The following PFN2 variants were observed in gnomAD, a reference collection of about 807,000 sequenced individuals.
The protein encoded by PFN2 is profilin-2.
A neutral mutation model predicts 15.3 loss-of-function variants in PFN2; 8 were observed. That is an observed-to-expected ratio of 0.52 (90% CI 0.31 to 0.95). PFN2 has a LOEUF of 0.95. Among genes scored for constraint, PFN2 ranks in the 40% least tolerant of loss-of-function variants. PFN2 has a pLI of 0.05. For synonymous variants in PFN2, 79 were observed against 67.9 expected (o/e 1.16, Z -0.81); for missense variants, 111 against 182.3 (o/e 0.61, Z 2.25).
At chr3:149,967,520 C>T (rs1185509736) in intron 2 of PFN2, among the ~76,000 whole-genome samples, 1 of 152,330 alleles carries the variant, frequency 6.6e-6, no homozygotes, top group African/African-American at 2.4e-5. Flanking sequence ...AGCTTCAACT[C>T]CCCTCACATG....
chr3:149,966,816 T>C (rs1397440440), intron 2 of PFN2, among the ~76,000 whole-genome samples: 1 of 152,042 alleles, frequency 6.6e-6, no homozygotes, highest in African/African-American at 2.4e-5. Flanking sequence ...CAAGCAAAAG[T>C]TCTATACAAC....
At chr3:149,970,687 G>A (rs926431537) in intron 1 of PFN2, 38 bp downstream of exon 1, 13 of 1,474,708 alleles carry the variant, frequency 8.8e-6, no homozygotes, top group South Asian at 7.7e-5. Flanking sequence ...CCCCGCTCCG[G>A]TGCAGGGACC....
At chr3:149,970,695 A>G in intron 1 of PFN2, 30 bp downstream of exon 1, 1 of 1,488,700 alleles carries the variant, frequency 6.7e-7, no homozygotes, top group Non-Finnish European at 9.0e-7. Flanking sequence ...CGGTGCAGGG[A>G]CCAGGGTACC....
At chr3:149,969,755 A>C (rs182683177) in intron 1 of PFN2, among the ~76,000 whole-genome samples, 32 of 152,306 alleles carry the variant, frequency 2.1e-4, no homozygotes, top group Admixed American at 1.8e-3. Flanking sequence ...CAAAACAATA[A>C]GCTGGAGGTT....
At chr3:149,970,009 G>C (rs541791405) in intron 1 of PFN2, among the ~76,000 whole-genome samples, 4 of 150,650 alleles carry the variant, frequency 2.7e-5, no homozygotes, top group African/African-American at 7.4e-5. Context: ...ATCTCCATAT[G>C]AGAAGAGAAA....
In PFN2 at chr3:149,966,846, GA is replaced by G. The variant is rs199588199; in HGVS notation, c.326-261del. On this transcript the variant is annotated intron_variant, in intron 2 of 2. Transcript: ENST00000239940. ...TACAACTATCTTTACACTAGCTACA[GA>G]AAAAAAAAAAAGTGACCATTTGTCT... Among the ~76,000 whole-genome samples the G allele has an allele frequency of 5.2e-3, 717 of 139,056 alleles. 10 individuals are homozygous for G. In the East Asian group the frequency reaches 0.066, roughly 13 times the overall value. The allele number at this position is 139,056 out of a possible 152,430, so 91.2% of individuals were successfully genotyped here.
In PFN2 at chr3:149,966,111, G is replaced by A; in HGVS notation, c.*378C>T. ...ACCATCTACAGTTTGGTAGCATTGTGACCATAATTAGGGTTGTTGATGAAG... is the reference window on the plus strand; with the variant it reads ...ACCATCTACAGTTTGGTAGCATTGTAACCATAATTAGGGTTGTTGATGAAG... On this transcript the variant is annotated 3_prime_UTR_variant, in exon 3 of 3. Transcript: ENST00000239940. The A allele has an allele frequency of 6.3e-7, 1 of 1,579,798 alleles. No homozygotes were observed. Among genetic ancestry groups the A allele is most frequent in the Non-Finnish European group, 8.6e-7 (1 of 1,165,376 alleles).
In PFN2 at chr3:149,965,097, G is replaced by A. The variant is rs1183087081; in HGVS notation, c.*1392C>T. The A allele has an allele frequency of 5.7e-6, 4 of 703,608 alleles. No homozygotes were observed. The East Asian group carries it at 8.5e-5, about 15-fold the overall frequency. 43.6% of individuals were successfully genotyped at this position (703,608 alleles called of 1,614,324 possible). A position where few individuals can be genotyped will look rare whatever the true frequency, so the allele number is the denominator to read the frequency against. On this transcript the variant is annotated 3_prime_UTR_variant, in exon 3 of 3. Transcript: ENST00000239940. ...CATTATCCACAAGGCCCAAACAATA[G>A]AAGCAAATACTAGAATGTCCCTAAA...
chr3:149,965,611 T>C lies in PFN2; in HGVS notation c.*878A>G. 9.3e-7 allele frequency: 1 copy of C among 1,080,218 alleles called. No homozygotes were observed. The highest frequency in any genetic ancestry group is 1.1e-6 in the Non-Finnish European group (1 of 893,690). 66.9% of individuals were successfully genotyped at this position (1,080,218 alleles called of 1,614,324 possible). Reference sequence around the variant, plus strand: ...TACTAAAAGCAAACTACTGCAGCTCTCAATAGCTCATCAACAAAAGGGATT... The same window carrying C: ...TACTAAAAGCAAACTACTGCAGCTCCCAATAGCTCATCAACAAAAGGGATT... On this transcript the variant is annotated 3_prime_UTR_variant, in exon 3 of 3. Coordinates refer to ENST00000239940, the MANE Select transcript of PFN2 (RefSeq NM_053024.4).
At position 149,966,088 on chromosome 3, in the gene PFN2, C is replaced by A; in HGVS notation, c.*401G>T. 6.5e-7 allele frequency: 1 copy of A among 1,544,250 alleles called. No individual in the cohort carries two copies. The highest frequency in any genetic ancestry group is 2.1e-5 in the Admixed American group (1 of 47,122). On this transcript the variant is annotated 3_prime_UTR_variant, in exon 3 of 3. Transcript: ENST00000239940. ...AAATAGGTAAAGAAAAATTAGCTAC[C>A]ATCTACAGTTTGGTAGCATTGTGAC...
chr3:149,966,336 C>A lies in PFN2; in HGVS notation c.*153G>T. ...GGGGGGGAGGGCAGAAAGAAAGACA[C>A]CTTTCCCCACCAACAGAGGGATACA... On this transcript the variant is annotated 3_prime_UTR_variant, in exon 3 of 3. Transcript: ENST00000239940. 6.3e-7 allele frequency: 1 copy of A among 1,597,468 alleles called. No homozygotes were observed.
intron 1 of PFN2, 29 bp downstream of exon 1, chr3:149,970,696 C>G: frequency 6.7e-7 from 1 of 1,489,838 alleles, no homozygotes; most frequent in Non-Finnish European, 9.0e-7. Flanking sequence ...GGTGCAGGGA[C>G]CAGGGTACCG....
Position 149,966,463 on chromosome 3 carries a change from C to T in PFN2, c.*26G>A. ...AGGAAAGTTTAAGAGCAATTTTCCCCTAATACTTAACAGTCTGCCTAGCAG... is the reference window on the plus strand; with the variant it reads ...AGGAAAGTTTAAGAGCAATTTTCCCTTAATACTTAACAGTCTGCCTAGCAG... On this transcript the variant is annotated 3_prime_UTR_variant, in exon 3 of 3. Coordinates refer to ENST00000239940, the MANE Select transcript of PFN2 (RefSeq NM_053024.4). 1 of 1,606,202 alleles carries T rather than the reference C, an allele frequency of 6.2e-7. No homozygotes were observed. Among genetic ancestry groups the T allele is most frequent in the Non-Finnish European group, 8.5e-7 (1 of 1,177,752 alleles).
intron 1 of PFN2, 60 bp from the exon 2 acceptor site, chr3:149,968,610 T>C (rs1401098061): frequency 3.5e-6 from 5 of 1,433,980 alleles, no homozygotes; most frequent in Non-Finnish European, 2.9e-6. Context: ...AGTTAACTCC[T>C]TTTAGGGCTT....
At chr3:149,970,426 G>A in intron 1 of PFN2, 1 of 249,544 alleles carries the variant, frequency 4.0e-6, no homozygotes, top group Non-Finnish European at 7.6e-6. Flanking sequence ...GCCCTGGCCG[G>A]TGCGTGCCCC....
rs1440693740 is a variant in PFN2 at position 149,965,381 on chromosome 3, A to G, written c.*1108T>C. On this transcript the variant is annotated 3_prime_UTR_variant, in exon 3 of 3. Coordinates refer to ENST00000239940, the MANE Select transcript of PFN2 (RefSeq NM_053024.4). ...CATAATGGCAGCCTTTTACAATTTT[A>G]CTAAAGAGTAGAGCTGGTGTGCAAA... 6.8e-7 allele frequency: 1 copy of G among 1,479,930 alleles called. No individual in the cohort carries two copies. Among genetic ancestry groups the G allele is most frequent in the East Asian group, 2.5e-5 (1 of 40,354 alleles). The allele number at this position is 1,479,930 out of a possible 1,614,324, so 91.7% of individuals were successfully genotyped here.
At position 149,965,583 on chromosome 3, in the gene PFN2, C is replaced by T. The variant is rs1470398671; in HGVS notation, c.*906G>A. On this transcript the variant is annotated 3_prime_UTR_variant, in exon 3 of 3. Coordinates refer to ENST00000239940, the MANE Select transcript of PFN2 (RefSeq NM_053024.4). ...GTTTGTCTCTGCTCAAGTGCAACAACAATACTAAAAGCAAACTACTGCAGC... is the reference window on the plus strand; with the variant it reads ...GTTTGTCTCTGCTCAAGTGCAACAATAATACTAAAAGCAAACTACTGCAGC... The T allele has an allele frequency of 1.6e-6, 2 of 1,214,206 alleles. No individual in the cohort carries two copies. The highest frequency in any genetic ancestry group is 4.0e-5 in the Admixed American group (1 of 25,028). The allele number at this position is 1,214,206 out of a possible 1,614,324, so 75.2% of individuals were successfully genotyped here.
intron 2 of PFN2, among the ~76,000 whole-genome samples, chr3:149,967,932 T>C (rs1722736646): frequency 6.6e-6 from 1 of 152,206 alleles, no homozygotes; most frequent in Admixed American, 6.5e-5. Flanking sequence ...TAATTTTTCC[T>C]TCTTTATGCT....
rs1211735885 is a variant in PFN2, at chr3:149,966,492, G to C, written c.420C>G (p.Phe140Leu). ...SMAKYLRDSG[F>L] ...TACTTAACAGTCTGCCTAGCAGCTA[G>C]AACCCAGAGTCTCTCAAGTATTTTG... The change falls in exon 3 of 3, where the codon TTC becomes TTG. Residue 140 changes from phenylalanine to leucine, a missense_variant. By Grantham distance (22) the Phe-to-Leu change is conservative (BLOSUM62 0). Around this residue, in one of 2 missense-constraint regions of PFN2, gnomAD observed 47 missense variants for 112.7 expected, o/e 0.42. Transcript: ENST00000239940. 1.2e-6 allele frequency: 2 copies of C among 1,612,422 alleles called. No individual in the cohort carries two copies. The highest frequency in any genetic ancestry group is 2.2e-5 in the East Asian group (1 of 44,864).
Sources: gnomAD v4.1 joint callset for allele counts (sites outside exome capture counted in the v4.1 genomes callset) on GRCh38, gnomAD v4.1.1 for gene constraint, gnomAD v4.1.1 regional missense constraint, MANE v1.5 for transcripts, NCBI Gene and HGNC (gene_info 2026-07-23, HGNC 2026-07-21) for gene names.